MRTFB: variants seen among roughly 807,000 people sequenced by gnomAD.
MRTFB encodes the protein myocardin related transcription factor B.
Under a neutral mutation model 104.2 loss-of-function variants are expected in MRTFB, and 29 were observed. The observed-to-expected ratio is 0.28, with a 90% CI of 0.21 to 0.38. MRTFB has a LOEUF of 0.38. MRTFB is among the 10% of genes least tolerant of loss of function. The probability of loss-of-function intolerance (pLI) is 1.00; values close to 1 mark genes in which losing one functional copy is unlikely to be tolerated. For synonymous variants in MRTFB, 535 were observed against 519.5 expected, an observed-to-expected ratio of 1.03 and a Z score of -0.41; for missense variants, 1,270 against 1,341.6, an observed-to-expected ratio of 0.95 and a Z score of 0.83.
the MRTFB span, among the ~76,000 whole-genome samples, chr16:14,024,709 G>A: frequency 2.6e-5 from 4 of 152,108 alleles, no homozygotes; most frequent in African/African-American, 9.7e-5. Flanking sequence ...CCTGAGAGGT[G>A]GTGCAAGAAA....
chr16:14,046,427 A>G, the MRTFB span, among the ~76,000 whole-genome samples: 4 of 152,132 alleles, frequency 2.6e-5, no homozygotes, highest in Non-Finnish European at 5.9e-5. Flanking sequence ...CTCCATCCCT[A>G]TAAACTCCAA....
At chr16:14,097,223 A>T (rs1248294811) in intron 2 of MRTFB, among the ~76,000 whole-genome samples, 1 of 152,230 alleles carries the variant, frequency 6.6e-6, no homozygotes, top group East Asian at 1.9e-4. Context: ...TATATGTGCA[A>T]TAAACGTTTG....
chr16:14,015,721 T>C, the MRTFB span: 34 of 386,378 alleles, frequency 8.8e-5, no homozygotes, highest in Non-Finnish European at 1.5e-4. Context: ...ACACAGCTGA[T>C]CGGTTAATAA....
chr16:14,211,773 T>G (rs2041199093), intron 4 of MRTFB, among the ~76,000 whole-genome samples: 2 of 152,194 alleles, frequency 1.3e-5, no homozygotes, highest in African/African-American at 4.8e-5. Context: ...TTCAAAATTC[T>G]AGATTTAAAT....
chr16:14,127,929 ATTTTTT>A (rs67001306), intron 2 of MRTFB, among the ~76,000 whole-genome samples: 10 of 44,618 alleles, frequency 2.2e-4, no homozygotes, highest in African/African-American at 3.6e-4. Context: ...ATATATATAT[ATTTTTT>A]TTTTTTTTTT....
the MRTFB span, among the ~76,000 whole-genome samples, chr16:14,012,295 C>CTTTTTTTTTTTTTTTTTTTTTTTT: frequency 1.9e-5 from 2 of 107,922 alleles, 1 homozygote; most frequent in African/African-American, 8.6e-5. Flanking sequence ...CTTTTTCTTT[C>CTTTTTTTTTTTTTTTTTTTTTTTT]TTTCTTTTTT....
the MRTFB span, among the ~76,000 whole-genome samples, chr16:14,053,729 CAA>C: frequency 7.2e-4 from 70 of 97,470 alleles, no homozygotes; most frequent in African/African-American, 2.1e-3. Context: ...GACTCCATCT[CAA>C]AAAAAAAAAA....
chr16:14,081,881 A>AT (rs1416199192), intron 2 of MRTFB, among the ~76,000 whole-genome samples: 2 of 152,102 alleles, frequency 1.3e-5, no homozygotes, highest in Non-Finnish European at 2.9e-5. Flanking sequence ...ACCTTTGTCC[A>AT]TTTTTTAATT....
chr16:14,067,078 C>T (rs1346936757), upstream of MRTFB, among the ~76,000 whole-genome samples: 3 of 152,122 alleles, frequency 2.0e-5, no homozygotes, highest in South Asian at 2.1e-4. Flanking sequence ...CACAGGGAGC[C>T]GCTCACATTG....
At position 14,085,240 on chromosome 16, in the gene MRTFB, G is replaced by C. The variant is rs535555413; in HGVS notation, c.-64+5886G>C. 7.9e-5 allele frequency among the ~76,000 whole-genome samples: 12 copies of C among 152,246 alleles called. No homozygotes were observed. The South Asian group carries it at 2.3e-3, about 29-fold the overall frequency. On this transcript the variant is annotated intron_variant, in intron 2 of 16. Transcript: ENST00000571589. ...GGTGGCTGAGATGAGTGGATCACCA[G>C]AAGTCGGGAGTTTGAGACCAGCCTG...
At chr16:14,099,692 G>T in intron 2 of MRTFB, among the ~76,000 whole-genome samples, 1 of 146,870 alleles carries the variant, frequency 6.8e-6, no homozygotes, top group Non-Finnish European at 1.5e-5. Context: ...TTTTGAGACA[G>T]AGTCTCACTG....
At chr16:14,042,354 C>T in the MRTFB span, among the ~76,000 whole-genome samples, 2 of 152,146 alleles carry the variant, frequency 1.3e-5, no homozygotes, top group Non-Finnish European at 2.9e-5. Context: ...GAACTCCTGA[C>T]CTCTGGTGAT....
intron 2 of MRTFB, among the ~76,000 whole-genome samples, chr16:14,138,824 A>T (rs1386521078): frequency 2.0e-5 from 3 of 152,264 alleles, no homozygotes; most frequent in African/African-American, 7.2e-5. Context: ...GCAGCTTAAT[A>T]AAGACAATCT....
intron 2 of MRTFB, among the ~76,000 whole-genome samples, chr16:14,083,912 A>G (rs2034555368): frequency 6.6e-6 from 1 of 152,182 alleles, no homozygotes; most frequent in Non-Finnish European, 1.5e-5. Flanking sequence ...GAGACAAAAA[A>G]TAGTATTTTT....
At position 14,249,200 on chromosome 16, in the gene MRTFB, C is replaced by T. The variant is rs1039709727; in HGVS notation, c.2403+119C>T. On this transcript the variant is annotated intron_variant, in intron 13 of 16. Transcript: ENST00000571589. ...TTCCTGTTCATTCTTTTCTGTGATC[C>T]ATCTCCCATAGAATGAGCCTTAGGT... 9 of 1,212,436 alleles carry T rather than the reference C, an allele frequency of 7.4e-6. No individual in the cohort carries two copies. In the African/African-American group the frequency reaches 1.4e-4, roughly 19 times the overall value. 75.1% of individuals were successfully genotyped at this position (1,212,436 alleles called of 1,614,324 possible).
the MRTFB span, among the ~76,000 whole-genome samples, chr16:14,056,936 A>T: frequency 2.6e-5 from 4 of 152,242 alleles, 1 homozygote; most frequent in Non-Finnish European, 4.4e-5. Flanking sequence ...TAATTGAAAG[A>T]CTGATGCTTA....
intron 3 of MRTFB, among the ~76,000 whole-genome samples, chr16:14,171,321 A>G (rs1253494620): frequency 6.6e-6 from 1 of 152,140 alleles, no homozygotes; most frequent in Non-Finnish European, 1.5e-5. Flanking sequence ...TCACGCCTGT[A>G]ATCCCAGCAC....
intron 3 of MRTFB, among the ~76,000 whole-genome samples, chr16:14,160,699 C>T (rs962672342): frequency 6.6e-6 from 1 of 151,752 alleles, no homozygotes; most frequent in African/African-American, 2.4e-5. Flanking sequence ...AAAAAAAAAG[C>T]TTTCTTTTCA....
intron 8 of MRTFB, among the ~76,000 whole-genome samples, chr16:14,221,468 C>T (rs1292359489): frequency 2.0e-5 from 3 of 152,178 alleles, no homozygotes; most frequent in Non-Finnish European, 2.9e-5. Context: ...ACTTACTTTA[C>T]TTAACTGATT....
Sources: gnomAD v4.1 joint callset for allele counts (sites outside exome capture counted in the v4.1 genomes callset) on GRCh38, gnomAD v4.1.1 for gene constraint, MANE v1.5 for transcripts, NCBI Gene and HGNC (gene_info 2026-07-23, HGNC 2026-07-21) for gene names.